The following XRRA1 variants were observed in gnomAD, a reference collection of about 807,000 sequenced individuals.
XRRA1 encodes the protein X-ray radiation resistance-associated protein 1.
Under a neutral mutation model 80.2 loss-of-function variants are expected in XRRA1, and 69 were observed. That is an observed-to-expected ratio of 0.86 (90% CI 0.71 to 1.05). The LOEUF (loss-of-function observed/expected upper bound fraction) is 1.05, where lower values mean the gene tolerates loss of function less well. Among genes scored for constraint, XRRA1 ranks in the 50% least tolerant of loss-of-function variants. The probability of loss-of-function intolerance (pLI) is 0.00; values close to 1 mark genes in which losing one functional copy is unlikely to be tolerated. For missense variants in XRRA1, 967 were observed against 976.4 expected, an observed-to-expected ratio of 0.99 and a Z score of 0.13; for synonymous variants, 348 against 389.9, an observed-to-expected ratio of 0.89 and a Z score of 1.27.
chr11:74,933,978 T>G lies in XRRA1; in HGVS notation c.280-106A>C. 5 of 985,346 alleles carry G rather than the reference T, an allele frequency of 5.1e-6. No individual in the cohort carries two copies. The South Asian group carries it at 8.2e-5, about 16-fold the overall frequency. 61.0% of individuals were successfully genotyped at this position (985,346 alleles called of 1,614,324 possible). A position where few individuals can be genotyped will look rare whatever the true frequency, so the allele number is the denominator to read the frequency against. ...GGGCAATCATATACTTGTCATAATTTGTTTGCTTGTTCATTCATTCATTCA... is the reference window on the plus strand; with the variant it reads ...GGGCAATCATATACTTGTCATAATTGGTTTGCTTGTTCATTCATTCATTCA... On this transcript the variant is annotated intron_variant, in intron 4 of 18. Coordinates refer to ENST00000684022, the MANE Select transcript of XRRA1 (RefSeq NM_001378157.1).
intron 10 of XRRA1, among the ~76,000 whole-genome samples, chr11:74,867,619 A>G (rs1000987272): frequency 6.6e-6 from 1 of 152,206 alleles, no homozygotes; most frequent in Non-Finnish European, 1.5e-5. Flanking sequence ...CTGAAATGCA[A>G]GGAGAGAAAG....
At chr11:74,866,106 A>G (rs759345025) in intron 10 of XRRA1, among the ~76,000 whole-genome samples, 4 of 152,240 alleles carry the variant, frequency 2.6e-5, no homozygotes, top group Non-Finnish European at 4.4e-5. Flanking sequence ...ACACTTCTAC[A>G]AACATCAGGA....
chr11:74,875,705 C>G (rs1247547832), intron 10 of XRRA1, among the ~76,000 whole-genome samples: 5 of 152,088 alleles, frequency 3.3e-5, no homozygotes, highest in Non-Finnish European at 5.9e-5. Flanking sequence ...CCCATCTCTA[C>G]TAATAATACA....
intron 10 of XRRA1, among the ~76,000 whole-genome samples, chr11:74,896,866 T>G (rs927416142): frequency 6.6e-6 from 1 of 152,198 alleles, no homozygotes; most frequent in Non-Finnish European, 1.5e-5. Flanking sequence ...CACAGCATTA[T>G]TGGGCTTGGG....
chr11:74,853,270 G>A (rs1450907502), intron 12 of XRRA1, among the ~76,000 whole-genome samples: 1 of 152,308 alleles, frequency 6.6e-6, no homozygotes, highest in South Asian at 2.1e-4. Flanking sequence ...AGGAGGAGGA[G>A]GTAATTAGCG....
chr11:74,932,068 TACTGG>T (rs1943715946), intron 5 of XRRA1, among the ~76,000 whole-genome samples: 2 of 152,226 alleles, frequency 1.3e-5, no homozygotes, highest in Non-Finnish European at 2.9e-5. Context: ...TCTATTTTTC[TACTGG>T]GTTTCTCTTT....
In XRRA1 at chr11:74,921,332, A is replaced by G; in HGVS notation, c.538T>C (p.Phe180Leu). ...FKLLEFLDLS[F>L]NSLTVEAICD... ...ATGGCCTCCACAGTCAGGCTGTTGA[A>G]GGAAAGGTCCAAGAACTGCCATGCA... The change falls in exon 8 of 19, where the codon TTC (phenylalanine) becomes CTC (leucine). Residue 180 changes from phenylalanine to leucine, a missense_variant. Transcript: ENST00000684022. 1 of 1,613,970 alleles carries G rather than the reference A, an allele frequency of 6.2e-7. No individual in the cohort carries two copies.
intron 11 of XRRA1, 25 bp from the exon 12 acceptor site, chr11:74,859,308 T>C: frequency 6.3e-7 from 1 of 1,591,484 alleles, no homozygotes; most frequent in Non-Finnish European, 8.5e-7. Flanking sequence ...AAAGTCAAAA[T>C]CAAAGTGCCC....
chr11:74,879,268 C>G (rs1174383079), intron 10 of XRRA1, among the ~76,000 whole-genome samples: 1 of 150,988 alleles, frequency 6.6e-6, no homozygotes, highest in East Asian at 1.9e-4. Context: ...CTCTGTTTGT[C>G]TGTTGTTGGT....
At chr11:74,902,784 G>T (rs748137524) in intron 10 of XRRA1, among the ~76,000 whole-genome samples, 5 of 152,076 alleles carry the variant, frequency 3.3e-5, no homozygotes, top group Non-Finnish European at 7.4e-5. Context: ...GATAGTGGGG[G>T]CCTGGGGGAG....
intron 14 of XRRA1, among the ~76,000 whole-genome samples, chr11:74,848,708 G>T (rs1420543146): frequency 2.6e-5 from 4 of 152,142 alleles, no homozygotes; most frequent in Non-Finnish European, 5.9e-5. Context: ...GAGGAAACAG[G>T]GGCTTAGAGA....
At chr11:74,931,487 G>A (rs948026546) in intron 5 of XRRA1, among the ~76,000 whole-genome samples, 5 of 151,208 alleles carry the variant, frequency 3.3e-5, no homozygotes, top group Non-Finnish European at 7.4e-5. Context: ...ACCATGCCCA[G>A]TTAATTTTTT....
At chr11:74,876,997 G>T (rs571498042) in intron 10 of XRRA1, 1 of 152,256 alleles carries the variant, frequency 6.6e-6, no homozygotes, top group South Asian at 2.1e-4. Context: ...ATTTAAGATG[G>T]AAATTATCTA....
intron 12 of XRRA1, among the ~76,000 whole-genome samples, chr11:74,853,426 G>C (rs1007693845): frequency 2.0e-5 from 3 of 152,158 alleles, no homozygotes; most frequent in Non-Finnish European, 4.4e-5. Flanking sequence ...ACGCAACTTG[G>C]GCAGAAGTGG....
intron 2 of XRRA1, among the ~76,000 whole-genome samples, chr11:74,942,069 T>C (rs1946437097): frequency 6.6e-6 from 1 of 151,848 alleles, no homozygotes; most frequent in Non-Finnish European, 1.5e-5. Flanking sequence ...GCCGTGATCA[T>C]GCCTGGGTGA....
At chr11:74,898,323 T>C (rs979007815) in intron 10 of XRRA1, among the ~76,000 whole-genome samples, 1 of 151,698 alleles carries the variant, frequency 6.6e-6, no homozygotes, top group Non-Finnish European at 1.5e-5. Context: ...AAAATCACCT[T>C]CAGTAAAAGG....
At chr11:74,872,778 G>C (rs1463698981) in intron 10 of XRRA1, among the ~76,000 whole-genome samples, 1 of 152,094 alleles carries the variant, frequency 6.6e-6, no homozygotes, top group Non-Finnish European at 1.5e-5. Context: ...AGGAGCCCCA[G>C]GTGATTCTGA....
At chr11:74,945,765 G>A (rs1209606576) in intron 1 of XRRA1, among the ~76,000 whole-genome samples, 2 of 151,892 alleles carry the variant, frequency 1.3e-5, no homozygotes, top group Non-Finnish European at 2.9e-5. Flanking sequence ...TGACTGTAGC[G>A]CTTCCTCCAA....
At chr11:74,905,980 A>G (rs1457055806) in intron 10 of XRRA1, among the ~76,000 whole-genome samples, 1 of 152,258 alleles carries the variant, frequency 6.6e-6, no homozygotes, top group Non-Finnish European at 1.5e-5. Flanking sequence ...AAACTTTCCT[A>G]GGAAACAGAA....
Sources: allele counts gnomAD v4.1 joint callset (sites outside exome capture counted in the v4.1 genomes callset), GRCh38; gene constraint gnomAD v4.1.1; transcripts MANE v1.5; gene names NCBI Gene and HGNC (gene_info 2026-07-23, HGNC 2026-07-21).